Variants in DOCK2 observed in about 807,000 individuals in gnomAD.
DOCK2 encodes the protein dedicator of cytokinesis protein 2.
DOCK2 carries 87 observed loss-of-function variants against 248.9 expected under a neutral mutation model. The ratio of observed to expected loss-of-function variants is 0.35; its 90% CI spans 0.29 to 0.42. DOCK2 has a LOEUF of 0.42. Among genes scored for constraint, DOCK2 ranks in the 10% least tolerant of loss-of-function variants. The pLI is 1.00. For missense variants in DOCK2, 1,747 were observed against 2,300.2 expected (o/e 0.76, Z 4.92); for synonymous variants, 805 against 821.6 (o/e 0.98, Z 0.35).
intron 32 of DOCK2, among the ~76,000 whole-genome samples, chr5:170,017,270 G>A (rs538394068): frequency 1.3e-5 from 2 of 152,222 alleles, no homozygotes; most frequent in African/African-American, 4.8e-5. Context: ...TGCCCCAGGC[G>A]AAGACCACAA....
At chr5:169,638,396 G>A (rs1756962041) in intron 1 of DOCK2, among the ~76,000 whole-genome samples, 1 of 152,106 alleles carries the variant, frequency 6.6e-6, no homozygotes, top group Admixed American at 6.5e-5. Flanking sequence ...TATCTCAAGG[G>A]GCAGTTACAA....
At chr5:169,907,601 T>C (rs1375425548) in intron 27 of DOCK2, among the ~76,000 whole-genome samples, 2 of 152,250 alleles carry the variant, frequency 1.3e-5, no homozygotes, top group African/African-American at 2.4e-5. Context: ...CAACCCAGTA[T>C]GTTGGAAAGT....
Position 169,781,656 on chromosome 5 carries a change from G to T in DOCK2, c.2554+20031G>T, listed in dbSNP as rs138127377. On this transcript the variant is annotated intron_variant, in intron 25 of 51. Transcript: ENST00000520908. ...TGTGTTTGGATGTACCCAGATTAGG[G>T]TATTGTCCACACAGGCCGTGGTGTG... Among the ~76,000 whole-genome samples, 38 of 152,318 alleles carry T rather than the reference G, an allele frequency of 2.5e-4. No individual in the cohort carries two copies. The East Asian group carries it at 7.2e-3, about 29-fold the overall frequency.
intron 27 of DOCK2, among the ~76,000 whole-genome samples, chr5:169,921,788 T>G (rs978913): frequency 0.34 from 51,093 of 152,062 alleles, 9,289 homozygotes; most frequent in South Asian, 0.4. Flanking sequence ...AGCAGTGTTG[T>G]GACAGTCTTC....
intron 38 of DOCK2, 32 bp from the exon 39 acceptor site, chr5:170,045,784 A>C (rs10074769): frequency 0.033 from 53,603 of 1,609,174 alleles, 1,437 homozygotes; most frequent in African/African-American, 0.13. Context: ...CGGTGGTGCC[A>C]CCTCACCTTT....
chr5:169,906,683 A>T (rs1774299950), intron 27 of DOCK2, among the ~76,000 whole-genome samples: 1 of 152,050 alleles, frequency 6.6e-6, no homozygotes, highest in South Asian at 2.1e-4. Context: ...CACATACCTG[A>T]GCTGGAGCTG....
chr5:170,050,215 C>T, intron 40 of DOCK2, 41 bp from the exon 41 acceptor site: 2 of 1,606,012 alleles, frequency 1.2e-6, no homozygotes, highest in African/African-American at 1.3e-5. Flanking sequence ...TTTCTTCACA[C>T]CTGGGTCCCC....
intron 1 of DOCK2, among the ~76,000 whole-genome samples, chr5:169,643,193 T>C (rs944811200): frequency 6.6e-6 from 1 of 152,218 alleles, no homozygotes; most frequent in Non-Finnish European, 1.5e-5. Context: ...TTAGTTCTCC[T>C]TGGAGAAAGT....
At position 169,714,091 on chromosome 5, in the gene DOCK2, G is replaced by C. The variant is rs1201508664; in HGVS notation, c.1723G>C (p.Val575Leu). 2 of 1,613,720 alleles carry C rather than the reference G, an allele frequency of 1.2e-6. No individual in the cohort carries two copies. The highest frequency in any genetic ancestry group is 2.2e-5 in the South Asian group (2 of 90,994). Residue 575 changes from valine (V) to leucine (L), a missense_variant, in exon 18 of 52, where the codon GTG (valine) becomes CTG (leucine). Around this residue, in one of 4 missense-constraint regions of DOCK2, gnomAD observed 858 missense variants for 1,183.5 expected, o/e 0.72. Transcript: ENST00000520908. ...YLTLPSYRHH[V>L]ENKGATLSRS... is the part of the protein sequence containing the mutation. The stretch of plus-strand genomic sequence containing the variant: ...GACCCTTCCTTCTTATCGACACCAT[G>C]TGGAAAACAAGGGGGCCACGCTGAG...
intron 22 of DOCK2, among the ~76,000 whole-genome samples, chr5:169,721,004 G>A (rs1373355311): frequency 2.6e-5 from 4 of 152,216 alleles, no homozygotes; most frequent in Admixed American, 2.6e-4. Context: ...TTACAGGCGT[G>A]AGCCACTGCG....
intron 1 of DOCK2, among the ~76,000 whole-genome samples, chr5:169,653,646 A>T (rs1165332198): frequency 6.6e-6 from 1 of 152,194 alleles, no homozygotes; most frequent in Non-Finnish European, 1.5e-5. Flanking sequence ...CCCTGCCTGC[A>T]GGAAGCCTCC....
chr5:169,970,433 CTTTG>C (rs1475825417), intron 27 of DOCK2, among the ~76,000 whole-genome samples: 2 of 152,194 alleles, frequency 1.3e-5, no homozygotes, highest in Non-Finnish European at 2.9e-5. Flanking sequence ...AGAACAATCA[CTTTG>C]TTTGTAGGAA....
At chr5:170,061,627 G>A (rs909625371) in intron 44 of DOCK2, among the ~76,000 whole-genome samples, 9 of 152,214 alleles carry the variant, frequency 5.9e-5, no homozygotes, top group East Asian at 5.8e-4. Flanking sequence ...ACAAATGCCC[G>A]TAGGCGAGAA....
chr5:169,695,455 G>T, intron 9 of DOCK2: 1 of 203,496 alleles, frequency 4.9e-6, no homozygotes, highest in Non-Finnish European at 9.9e-6. Context: ...CGAGTCATCT[G>T]TAGCAAATGC....
intron 30 of DOCK2, among the ~76,000 whole-genome samples, chr5:170,006,448 G>A (rs1755036680): frequency 6.6e-6 from 1 of 152,278 alleles, no homozygotes; most frequent in African/African-American, 2.4e-5. Flanking sequence ...GAGTAGCTGG[G>A]ATTACAGGTG....
chr5:169,993,508 C>T (rs1778260493), intron 29 of DOCK2, among the ~76,000 whole-genome samples: 1 of 151,348 alleles, frequency 6.6e-6, no homozygotes, highest in African/African-American at 2.4e-5. Context: ...TGCTTCAATT[C>T]CACACAGCTG....
chr5:169,955,018 T>C (rs116530651), intron 27 of DOCK2, among the ~76,000 whole-genome samples: 4,666 of 152,258 alleles, frequency 0.031, 169 homozygotes, highest in African/African-American at 0.082. Context: ...GCTCAAGGGA[T>C]TGGAAGAGCA....
chr5:169,902,645 G>A (rs1773993388), intron 27 of DOCK2, among the ~76,000 whole-genome samples: 1 of 152,202 alleles, frequency 6.6e-6, no homozygotes, highest in Non-Finnish European at 1.5e-5. Context: ...CTGGCATGAT[G>A]CTGAGTGTTC....
At chr5:169,804,466 G>A (rs1767193781) in intron 26 of DOCK2, among the ~76,000 whole-genome samples, 1 of 82,022 alleles carries the variant, frequency 1.2e-5, no homozygotes, top group African/African-American at 3.1e-5. Context: ...GTGTGTGTGT[G>A]TGTGTGTGTG....
Sources: allele counts gnomAD v4.1 joint callset (sites outside exome capture counted in the v4.1 genomes callset), GRCh38; gene constraint gnomAD v4.1.1; regional missense constraint gnomAD v4.1.1; transcripts MANE v1.5; gene names NCBI Gene and HGNC (gene_info 2026-07-23, HGNC 2026-07-21).